SLC16A14: variants seen among roughly 807,000 people sequenced by gnomAD.
SLC16A14 encodes the protein solute carrier family 16 member 14.
Under a neutral mutation model 35.8 loss-of-function variants are expected in SLC16A14, and 14 were observed. The ratio of observed to expected loss-of-function variants is 0.39; its 90% CI spans 0.26 to 0.61. SLC16A14 has a LOEUF of 0.61. SLC16A14 is among the 20% of genes least tolerant of loss of function. The pLI, the probability that SLC16A14 is intolerant of heterozygous loss-of-function variation, is 0.51. For missense variants in SLC16A14, 533 were observed against 655.0 expected (o/e 0.81, Z 2.03); for synonymous variants, 248 against 258.9 (o/e 0.96, Z 0.40).
intron 4 of SLC16A14, chr2:230,045,538 C>T (rs773410427): frequency 3.8e-5 from 22 of 579,968 alleles, no homozygotes; most frequent in Admixed American, 9.9e-5. Context: ...CCAGCTGGGG[C>T]GATAGAGCGA....
Position 230,038,509 on chromosome 2 carries a change from TGAG to T in SLC16A14, c.1382-981_1382-979del, listed in dbSNP as rs1214312324. On this transcript the variant is annotated intron_variant, in intron 4 of 4. Transcript: ENST00000295190. This position sits in a 1 kb window ranked among gnomAD's most constrained non-coding sequence, Gnocchi z 4.4. ...AGTCAACTACGCAAACTGAGAGGAT[TGAG>T]TTACACACAAGAGTTTTATTTATGG... is the stretch of plus-strand genomic sequence containing the variant. Among the ~76,000 whole-genome samples the T allele has an allele frequency of 6.6e-6, 1 of 152,228 alleles. No homozygotes were observed. Among genetic ancestry groups the T allele is most frequent in the Non-Finnish European group, 1.5e-5 (1 of 68,038 alleles).
intron 4 of SLC16A14, among the ~76,000 whole-genome samples, chr2:230,041,033 G>A (rs376552844): frequency 1.3e-5 from 2 of 152,260 alleles, no homozygotes; most frequent in African/African-American, 4.8e-5. Flanking sequence ...TGGATTCTTG[G>A]CAACCCTCAT....
chr2:230,048,085 G>A (rs909530920), intron 3 of SLC16A14, among the ~76,000 whole-genome samples: 6 of 152,178 alleles, frequency 3.9e-5, no homozygotes, highest in East Asian at 1.9e-4. Flanking sequence ...ACTTCAGCTC[G>A]TATGTTTTAT....
At chr2:230,043,763 C>T (rs539573109) in intron 4 of SLC16A14, among the ~76,000 whole-genome samples, 17 of 152,370 alleles carry the variant, frequency 1.1e-4, no homozygotes, top group African/African-American at 4.1e-4. Flanking sequence ...AGTTCTTGGA[C>T]AGAAGACAGA....
chr2:230,037,593 T>C, intron 4 of SLC16A14, 62 bp from the exon 5 acceptor site: 1 of 1,375,564 alleles, frequency 7.3e-7, no homozygotes, highest in Non-Finnish European at 9.7e-7. Flanking sequence ...GTGAAGAACA[T>C]GAAGCAGGCA....
chr2:230,057,183 T>A (rs1395624737), intron 2 of SLC16A14, among the ~76,000 whole-genome samples: 2 of 152,188 alleles, frequency 1.3e-5, no homozygotes, highest in Non-Finnish European at 2.9e-5. Flanking sequence ...CAGAGCATTG[T>A]TAAGGGAAGG....
intron 1 of SLC16A14, among the ~76,000 whole-genome samples, chr2:230,066,473 G>T (rs2077796114): frequency 6.6e-6 from 1 of 152,050 alleles, no homozygotes; most frequent in Non-Finnish European, 1.5e-5. Context: ...CGATGAAAAA[G>T]AAATTGTAAA....
At chr2:230,058,969 C>T in intron 2 of SLC16A14, 125 bp downstream of exon 2, 1 of 1,465,070 alleles carries the variant, frequency 6.8e-7, no homozygotes, top group Non-Finnish European at 9.1e-7. Flanking sequence ...TATTTTATCA[C>T]AATTGAAAAA....
Position 230,037,455 on chromosome 2 carries a change from G to T in SLC16A14, c.1458C>A (p.Leu486=), listed in dbSNP as rs1043409185. ...GAATGCACGGCTGAATAAGTAAAAA[G>T]AGTATTCCTATCATGTAAAGCAAAC... ...ICGLLYMIGI[L]FLLIQPCIRI... is the part of the protein sequence containing the mutation. The change falls in exon 5 of 5, where the codon CTC becomes CTA. Residue 486 remains leucine (L), a synonymous_variant. Coordinates refer to ENST00000295190, the MANE Select transcript of SLC16A14 (RefSeq NM_152527.5). 3.1e-6 allele frequency: 5 copies of T among 1,612,844 alleles called. No individual in the cohort carries two copies. In the African/African-American group the frequency reaches 6.7e-5, roughly 22 times the overall value.
Position 230,046,856 on chromosome 2 carries a change from A to C in SLC16A14, c.404-134T>G. ...TTTTTATTTCTAACAAAGCAATAAC[A>C]CTGATTATTTAAAAAGCAGCTCCCA... On this transcript the variant is annotated intron_variant, in intron 3 of 4. Coordinates refer to ENST00000295190, the MANE Select transcript of SLC16A14 (RefSeq NM_152527.5). The surrounding 1 kb of genome is among the most constrained non-coding windows in gnomAD (Gnocchi z 5.0). 3 of 1,086,418 alleles carry C rather than the reference A, an allele frequency of 2.8e-6. No homozygotes were observed. The highest frequency in any genetic ancestry group is 3.2e-5 in the African/African-American group (2 of 62,882). 67.3% of individuals were successfully genotyped at this position (1,086,418 alleles called of 1,614,324 possible). A position where few individuals can be genotyped will look rare whatever the true frequency, so the allele number is the denominator to read the frequency against.
rs78293743 is a variant in SLC16A14, at chr2:230,060,688, G to T, written c.-14-1322C>A. On this transcript the variant is annotated intron_variant, in intron 1 of 4. Coordinates refer to ENST00000295190, the MANE Select transcript of SLC16A14 (RefSeq NM_152527.5). ...GTTTCATTTTTCATGGTTTTTTTTG[G>T]GGGGAGGGGATGAGAATTAAGTGTG... Among the ~76,000 whole-genome samples, 805 of 130,788 alleles carry T rather than the reference G, an allele frequency of 6.2e-3. 6 individuals are homozygous for T. The highest frequency in any genetic ancestry group is 0.018 in the African/African-American group (602 of 33,740). 85.8% of individuals were successfully genotyped at this position (130,788 alleles called of 152,430 possible).
chr2:230,057,581 C>A (rs1328172275), intron 2 of SLC16A14, among the ~76,000 whole-genome samples: 9 of 151,248 alleles, frequency 6.0e-5, no homozygotes, highest in African/African-American at 2.2e-4. Context: ...CCAGCCTGGG[C>A]AACATGGAGA....
intron 2 of SLC16A14, among the ~76,000 whole-genome samples, chr2:230,053,445 T>C (rs1329049236): frequency 6.6e-6 from 1 of 152,210 alleles, no homozygotes; most frequent in Non-Finnish European, 1.5e-5. Context: ...TCTGACTTTT[T>C]CATTTTCAGA....
At chr2:230,057,211 A>G (rs531730305) in intron 2 of SLC16A14, among the ~76,000 whole-genome samples, 234 of 152,342 alleles carry the variant, frequency 1.5e-3, no homozygotes, top group African/African-American at 5.5e-3. Flanking sequence ...ATTAAATGAG[A>G]TAATGTAAGG....
intron 2 of SLC16A14, among the ~76,000 whole-genome samples, chr2:230,056,436 A>G (rs975580383): frequency 5.9e-5 from 9 of 151,812 alleles, no homozygotes; most frequent in Admixed American, 5.9e-4. Context: ...TTGTATCTTT[A>G]GTAAAGGCAG....
At chr2:230,049,241 T>TG (rs1389840857) in intron 3 of SLC16A14, among the ~76,000 whole-genome samples, 7 of 149,934 alleles carry the variant, frequency 4.7e-5, no homozygotes, top group Non-Finnish European at 1.0e-4. Context: ...GGCTAATTTT[T>TG]TTTTTTTTTT....
In SLC16A14 at chr2:230,050,778, A is replaced by G. The variant is rs192574528; in HGVS notation, c.260-874T>C. 5.0e-4 allele frequency among the ~76,000 whole-genome samples: 76 copies of G among 152,316 alleles called. 1 individual carries two copies. The highest frequency in any genetic ancestry group is 6.8e-3 in the Middle Eastern group (2 of 294). Reference sequence around the variant, plus strand: ...TACTGAGCACTTTGCTAAGTGCTTTATACAAATTATGTCATTTAATGGTTT... The same window carrying G: ...TACTGAGCACTTTGCTAAGTGCTTTGTACAAATTATGTCATTTAATGGTTT... On this transcript the variant is annotated intron_variant, in intron 2 of 4. Coordinates refer to ENST00000295190, the MANE Select transcript of SLC16A14 (RefSeq NM_152527.5).
chr2:230,055,697 G>C (rs927043184), intron 2 of SLC16A14, among the ~76,000 whole-genome samples: 2 of 152,132 alleles, frequency 1.3e-5, no homozygotes, highest in African/African-American at 4.8e-5. Context: ...ATTTTCATAG[G>C]ACTTATGAAA....
Position 230,045,769 on chromosome 2 carries a change from C to A in SLC16A14, c.1357G>T (p.Ala453Ser). The A allele has an allele frequency of 6.2e-7, 1 of 1,614,216 alleles. No individual in the cohort carries two copies. Among genetic ancestry groups the A allele is most frequent in the Non-Finnish European group, 8.5e-7 (1 of 1,180,050 alleles). The change falls in exon 4 of 5, where the codon GCA becomes TCA. Residue 453 changes from alanine to serine, a missense_variant. Ala to Ser is a moderately conservative substitution (Grantham distance 99). Coordinates refer to ENST00000295190, the MANE Select transcript of SLC16A14 (RefSeq NM_152527.5). Reference sequence around the variant, plus strand: ...CCTGCAAAAGGTGGTCCCAGCAATGCAGAGATGCCATTAGCACAGATGATG... The same window carrying A: ...CCTGCAAAAGGTGGTCCCAGCAATGAAGAGATGCCATTAGCACAGATGATG... ...GIIICANGIS[A>S]LLGPPFAGWI... is the part of the protein sequence containing the mutation.
Sources: allele counts gnomAD v4.1 joint callset (sites outside exome capture counted in the v4.1 genomes callset), GRCh38; gene constraint gnomAD v4.1.1; non-coding constraint Gnocchi (gnomAD v3.1); transcripts MANE v1.5; gene names NCBI Gene and HGNC (gene_info 2026-07-23, HGNC 2026-07-21).